CLIP1: variants seen among roughly 807,000 people sequenced by gnomAD.
CLIP1 encodes CAP-Gly domain-containing linker protein 1.
A neutral mutation model predicts 161.6 loss-of-function variants in CLIP1; 66 were observed. The ratio of observed to expected loss-of-function variants is 0.41; its 90% CI spans 0.33 to 0.50. The LOEUF (loss-of-function observed/expected upper bound fraction) is 0.50, where lower values mean the gene tolerates loss of function less well. CLIP1 is among the 20% of genes least tolerant of loss of function. The probability of loss-of-function intolerance (pLI) is 0.27; values close to 1 mark genes in which losing one functional copy is unlikely to be tolerated. For synonymous variants in CLIP1, 598 were observed against 626.2 expected (o/e 0.96, Z 0.67); for missense variants, 1,376 against 1,702.0 (o/e 0.81, Z 3.37).
chr12:122,278,261 T>A, intron 23 of CLIP1, 58 bp from the exon 24 acceptor site: 1 of 1,465,704 alleles, frequency 6.8e-7, no homozygotes, highest in Non-Finnish European at 9.3e-7. Context: ...TGTATATTTT[T>A]AATCACAATC....
chr12:122,386,773 G>A (rs1284101566), intron 1 of CLIP1, among the ~76,000 whole-genome samples: 1 of 149,402 alleles, frequency 6.7e-6, no homozygotes, highest in Non-Finnish European at 1.5e-5. Flanking sequence ...GCCGAGGCAG[G>A]AGGATCGTTT....
intron 20 of CLIP1, 94 bp downstream of exon 20, chr12:122,309,668 A>G (rs1950996499): frequency 2.0e-6 from 3 of 1,467,308 alleles, no homozygotes; most frequent in Non-Finnish European, 2.8e-6. Flanking sequence ...ACCCCACCAC[A>G]CTGAGCAGAC....
At chr12:122,359,076 A>C (rs1260281234) in intron 5 of CLIP1, among the ~76,000 whole-genome samples, 1 of 152,214 alleles carries the variant, frequency 6.6e-6, no homozygotes, top group African/African-American at 2.4e-5. Context: ...ATAAAAAATA[A>C]AAATAAAAAC....
intron 18 of CLIP1, among the ~76,000 whole-genome samples, chr12:122,318,565 G>GCAA (rs577817496): frequency 6.6e-6 from 1 of 151,996 alleles, no homozygotes; most frequent in Non-Finnish European, 1.5e-5. Flanking sequence ...AACAAAAAAA[G>GCAA]CAACAACAAC....
chr12:122,313,110 G>A (rs781108446), intron 19 of CLIP1, among the ~76,000 whole-genome samples: 6 of 152,150 alleles, frequency 3.9e-5, no homozygotes, highest in African/African-American at 9.7e-5. Context: ...TCCATGGAAC[G>A]CTACCAGCGT....
intron 1 of CLIP1, among the ~76,000 whole-genome samples, chr12:122,403,653 G>A (rs531803873): frequency 6.6e-6 from 1 of 151,864 alleles, no homozygotes; most frequent in African/African-American, 2.4e-5. Context: ...TGAGTAGCTG[G>A]TATTACAGGC....
rs534083471 is a variant in CLIP1 at position 122,312,187 on chromosome 12, TA to T, written c.3474-2306del. 2.8e-3 allele frequency among the ~76,000 whole-genome samples: 432 copies of T among 152,362 alleles called. 1 individual carries two copies. Among genetic ancestry groups the T allele is most frequent in the Middle Eastern group, 6.8e-3 (2 of 294 alleles). ...AAACATTTTACTTATGAATCCATCA[TA>T]AATCTATTATCATGCTAAATGTATT... On this transcript the variant is annotated intron_variant, in intron 19 of 25. Coordinates refer to ENST00000620786, the MANE Select transcript of CLIP1 (RefSeq NM_001247997.2).
Position 122,319,345 on chromosome 12 carries a change from C to A in CLIP1, c.3253G>T (p.Ala1085Ser), listed in dbSNP as rs574633657. Residue 1085 changes from alanine to serine, a missense_variant, in exon 18 of 26, where the codon GCT (alanine) becomes TCT (serine). By Grantham distance (99) the Ala-to-Ser change is moderately conservative. This residue lies in a region of CLIP1 where 948 missense variants were observed against 1,134.8 expected (regional missense o/e 0.84). Coordinates refer to ENST00000620786, the MANE Select transcript of CLIP1 (RefSeq NM_001247997.2). ...TGCATGGCATCTTCCGCTGTTTGAG[C>A]AGCCTAAATACAAGGAAACACTGTG... ...LRKQADKAKA[A>S]QTAEDAMQIM... 1.9e-6 allele frequency: 3 copies of A among 1,611,166 alleles called. No homozygotes were observed. The highest frequency in any genetic ancestry group is 2.7e-5 in the African/African-American group (2 of 74,988).
intron 20 of CLIP1, among the ~76,000 whole-genome samples, chr12:122,298,559 C>T (rs1376919514): frequency 1.4e-5 from 2 of 147,478 alleles, no homozygotes; most frequent in African/African-American, 2.5e-5. Flanking sequence ...ATTATGCCAT[C>T]GCACTCCAGC....
chr12:122,417,410 G>A (rs1198437497), intron 1 of CLIP1, among the ~76,000 whole-genome samples: 1 of 151,896 alleles, frequency 6.6e-6, no homozygotes, highest in Non-Finnish European at 1.5e-5. Context: ...AGGCTATAGT[G>A]AGTTATAATT....
intron 10 of CLIP1, 60 bp from the exon 11 acceptor site, chr12:122,341,757 C>CTTTTTTT (rs1952510340): frequency 1.1e-5 from 1 of 89,000 alleles, no homozygotes; most frequent in Non-Finnish European, 2.4e-5. Context: ...TGACTATTTT[C>CTTTTTTT]TTTTCTTTTT....
At position 122,323,539 on chromosome 12, in the gene CLIP1, T is replaced by C. The variant is rs757460178; in HGVS notation, c.3250-4191A>G. 3.3e-5 allele frequency: 5 copies of C among 152,662 alleles called. No homozygotes were observed. The highest frequency in any genetic ancestry group is 7.3e-5 in the Non-Finnish European group (5 of 68,054). 9.5% of individuals were successfully genotyped at this position (152,662 alleles called of 1,614,324 possible). A position where few individuals can be genotyped will look rare whatever the true frequency, so the allele number is the denominator to read the frequency against. ...GGGCCTTGCTGGCATCATCCAGCTG[T>C]GCGCGGAGCCCACTGGCTTCTGAGC... On this transcript the variant is annotated intron_variant, in intron 17 of 25. Coordinates refer to ENST00000620786, the MANE Select transcript of CLIP1 (RefSeq NM_001247997.2). The surrounding 1 kb of genome is among the most constrained non-coding windows in gnomAD (Gnocchi z 4.1).
chr12:122,377,244 G>A (rs958372364), intron 3 of CLIP1, 145 bp downstream of exon 3: 33 of 675,564 alleles, frequency 4.9e-5, no homozygotes, highest in South Asian at 1.3e-4. Context: ...TCCTGACCTC[G>A]TGATCCACCC....
Position 122,341,694 on chromosome 12 carries a change from C to T in CLIP1, c.1510G>A (p.Ala504Thr), listed in dbSNP as rs1057005136. The change falls in exon 11 of 26, where the codon GCT becomes ACT. Residue 504 changes from alanine to threonine, a missense_variant. Physicochemically the swap from Ala to Thr is moderately conservative, Grantham distance 58. Around this residue, in one of 6 missense-constraint regions of CLIP1, gnomAD observed 948 missense variants for 1,134.8 expected, o/e 0.84. Transcript: ENST00000620786. ...LQRELEDTRV[A>T]TVSEKSRIME... is the part of the protein sequence containing the mutation. ...ATACGTGACTTTTCTGAAACTGTAG[C>T]CACCTATTAACAGCAGTCCAAAGAA... is the stretch of plus-strand genomic sequence containing the variant. 6.5e-7 allele frequency: 1 copy of T among 1,546,156 alleles called. No individual in the cohort carries two copies. The highest frequency in any genetic ancestry group is 8.7e-7 in the Non-Finnish European group (1 of 1,143,842).
chr12:122,384,293 T>C (rs931819761), intron 1 of CLIP1, among the ~76,000 whole-genome samples: 1 of 152,160 alleles, frequency 6.6e-6, no homozygotes, highest in Non-Finnish European at 1.5e-5. Flanking sequence ...GTTCTGCTAC[T>C]ACAAGAATGA....
At chr12:122,283,187 T>C (rs2136248681) in intron 21 of CLIP1, among the ~76,000 whole-genome samples, 1 of 152,298 alleles carries the variant, frequency 6.6e-6, no homozygotes, top group Non-Finnish European at 1.5e-5. Context: ...GAGGCACAGA[T>C]GAACAAACTC....
At chr12:122,313,476 C>T (rs770540180) in intron 19 of CLIP1, among the ~76,000 whole-genome samples, 93 of 152,180 alleles carry the variant, frequency 6.1e-4, no homozygotes, top group Non-Finnish European at 1.2e-3. Flanking sequence ...CCTATAATCC[C>T]AGTACTTTGG....
At chr12:122,420,867 C>T (rs1471648620) in intron 1 of CLIP1, among the ~76,000 whole-genome samples, 3 of 151,396 alleles carry the variant, frequency 2.0e-5, no homozygotes, top group Non-Finnish European at 2.9e-5. Flanking sequence ...CCTGGGAGGC[C>T]GAGATTGCAG....
At position 122,341,306 on chromosome 12, in the gene CLIP1, G is replaced by A; in HGVS notation, c.1898C>T (p.Ser633Phe). ...WKSKLETAIA[S>F]HQQAMEELKV... Reference sequence around the variant, plus strand: ...CAGTTCTTCCATCGCCTGCTGGTGGGATGCGATGGCAGTCTCCAGTTTGGA... The same window carrying A: ...CAGTTCTTCCATCGCCTGCTGGTGGAATGCGATGGCAGTCTCCAGTTTGGA... The change falls in exon 11 of 26, where the codon TCC becomes TTC. Residue 633 changes from serine (S) to phenylalanine (F), a missense_variant. By Grantham distance (155) the Ser-to-Phe change is radical. Around this residue, in one of 6 missense-constraint regions of CLIP1, gnomAD observed 948 missense variants for 1,134.8 expected, o/e 0.84. Transcript: ENST00000620786. 1 of 1,613,886 alleles carries A rather than the reference G, an allele frequency of 6.2e-7. No homozygotes were observed. Among genetic ancestry groups the A allele is most frequent in the Non-Finnish European group, 8.5e-7 (1 of 1,179,842 alleles).
Sources: gnomAD v4.1 joint callset for allele counts (sites outside exome capture counted in the v4.1 genomes callset) on GRCh38, gnomAD v4.1.1 for gene constraint, gnomAD v4.1.1 regional missense constraint, Gnocchi (gnomAD v3.1) non-coding constraint, MANE v1.5 for transcripts, NCBI Gene and HGNC (gene_info 2026-07-23, HGNC 2026-07-21) for gene names.